TAF4: variants seen among roughly 807,000 people sequenced by gnomAD.
The protein encoded by TAF4 is transcription initiation factor TFIID subunit 4.
A neutral mutation model predicts 90.3 loss-of-function variants in TAF4; 9 were observed. The ratio of observed to expected loss-of-function variants is 0.10; its 90% CI spans 0.06 to 0.17. The LOEUF is 0.17. Among genes scored for constraint, TAF4 ranks in the 10% least tolerant of loss-of-function variants. The probability of loss-of-function intolerance (pLI) is 1.00; values close to 1 mark genes in which losing one functional copy is unlikely to be tolerated. For synonymous variants in TAF4, 818 were observed against 638.9 expected (o/e 1.28, Z -4.23); for missense variants, 1,351 against 1,370.7 (o/e 0.99, Z 0.23).
At chr20:62,047,455 G>C (rs577341152) in intron 1 of TAF4, among the ~76,000 whole-genome samples, 30 of 152,270 alleles carry the variant, frequency 2.0e-4, no homozygotes, top group Middle Eastern at 3.4e-3. Context: ...AGCTCCTTTA[G>C]AAGGAAGAGA....
At chr20:62,014,311 G>C (rs1251619237) in intron 2 of TAF4, among the ~76,000 whole-genome samples, 1 of 152,120 alleles carries the variant, frequency 6.6e-6, no homozygotes, top group Non-Finnish European at 1.5e-5. Context: ...GCCCTGCAGT[G>C]GGCTGCGGGA....
At chr20:62,015,853 A>G (rs889976423) in intron 1 of TAF4, among the ~76,000 whole-genome samples, 1 of 152,230 alleles carries the variant, frequency 6.6e-6, no homozygotes, top group African/African-American at 2.4e-5. Context: ...TGGTATCAAG[A>G]ATAATGGTGA....
intron 5 of TAF4, chr20:62,008,812 C>T (rs955108811): frequency 1.5e-5 from 6 of 400,608 alleles, no homozygotes; most frequent in East Asian, 1.2e-4. Context: ...CACCAGAAAA[C>T]GGCAAAGCCC....
At chr20:62,047,711 C>T (rs546160152) in intron 1 of TAF4, among the ~76,000 whole-genome samples, 155 of 152,346 alleles carry the variant, frequency 1.0e-3, no homozygotes, top group African/African-American at 3.6e-3. Flanking sequence ...GCAGAGCGCA[C>T]CGTCAAGCCC....
In TAF4 at chr20:62,065,780, C is replaced by T; in HGVS notation, c.31G>A (p.Val11Ile). The T allele has an allele frequency of 3.0e-6, 4 of 1,336,510 alleles. No individual in the cohort carries two copies. The highest frequency in any genetic ancestry group is 3.9e-6 in the Non-Finnish European group (4 of 1,025,076). 82.8% of individuals were successfully genotyped at this position (1,336,510 alleles called of 1,614,324 possible). The stretch of plus-strand genomic sequence containing the variant: ...TCGTCCACCTCGCTGTTGAAGAAGA[C>T]CTCGTCCAGCAGATCCGAGCCCGCC... MAAGSDLLDE[V>I]FFNSEVDEKV... Residue 11 changes from valine to isoleucine, a missense_variant, in exon 1 of 15, where the codon GTC (valine) becomes ATC (isoleucine). By Grantham distance (29) the Val-to-Ile change is conservative (BLOSUM62 3). This residue lies in a region of TAF4 where 782 missense variants were observed against 536.6 expected (regional missense o/e 1.46). Coordinates refer to ENST00000252996, the MANE Select transcript of TAF4 (RefSeq NM_003185.4).
chr20:61,977,687 GCCCGGGGT>G (rs1386271402), intron 14 of TAF4, among the ~76,000 whole-genome samples: 1 of 152,158 alleles, frequency 6.6e-6, no homozygotes, highest in East Asian at 1.9e-4. Flanking sequence ...CTTCAGACCT[GCCCGGGGT>G]CCCTTTGCTA....
rs1362181506 is a variant in TAF4 at position 62,009,067 on chromosome 20, G to A, written c.1869C>T (p.Leu623=). 12 of 1,612,864 alleles carry A rather than the reference G, an allele frequency of 7.4e-6. No individual in the cohort carries two copies. The highest frequency in any genetic ancestry group is 1.7e-5 in the Admixed American group (1 of 59,796). Residue 623 remains leucine, a synonymous_variant, in exon 5 of 15, where the codon CTC becomes CTT. Coordinates refer to ENST00000252996, the MANE Select transcript of TAF4 (RefSeq NM_003185.4). ...STETAANVKE[L]VQNLLDGKIE... ...GGTTTCTCACCAGTAAATTCTGCAC[G>A]AGCTCTTTCACATTAGCTGCTGTCT...
chr20:61,985,675 G>C (rs1250140628), intron 14 of TAF4, among the ~76,000 whole-genome samples: 2 of 151,194 alleles, frequency 1.3e-5, no homozygotes, highest in East Asian at 1.9e-4. Flanking sequence ...TCCCATGTAA[G>C]GCACGAGGGA....
chr20:62,051,765 A>T (rs1158207105), intron 1 of TAF4, among the ~76,000 whole-genome samples: 1 of 152,062 alleles, frequency 6.6e-6, no homozygotes, highest in Non-Finnish European at 1.5e-5. Context: ...GTGGCCCTCA[A>T]CGCTGCCCCT....
At chr20:61,993,205 C>T (rs2055642752) in intron 14 of TAF4, among the ~76,000 whole-genome samples, 2 of 152,172 alleles carry the variant, frequency 1.3e-5, no homozygotes, top group South Asian at 4.1e-4. Flanking sequence ...GACTAGTGGC[C>T]CTAGGCATGA....
chr20:61,976,435 G>T, intron 14 of TAF4, 100 bp from the exon 15 acceptor site: 1 of 1,401,220 alleles, frequency 7.1e-7, no homozygotes, highest in Non-Finnish European at 9.9e-7. Flanking sequence ...TCCAGAGGAG[G>T]CCAGGCCTGG....
chr20:62,040,211 AAAC>A (rs2055956015), intron 1 of TAF4, among the ~76,000 whole-genome samples: 1 of 152,268 alleles, frequency 6.6e-6, no homozygotes, highest in South Asian at 2.1e-4. Flanking sequence ...CAAAAGCTAG[AAAC>A]AACCCAAATA....
chr20:62,062,402 T>C (rs1330314728), intron 1 of TAF4, among the ~76,000 whole-genome samples: 1 of 147,264 alleles, frequency 6.8e-6, no homozygotes, highest in Non-Finnish European at 1.5e-5. Flanking sequence ...TTATTGATAC[T>C]TTTTTTTTTT....
intron 1 of TAF4, among the ~76,000 whole-genome samples, chr20:62,029,631 G>C (rs189248013): frequency 2.1e-4 from 32 of 152,342 alleles, no homozygotes; most frequent in Admixed American, 1.5e-3. Flanking sequence ...ATGCAGGCTG[G>C]GAGTGGTGGC....
intron 2 of TAF4, among the ~76,000 whole-genome samples, chr20:62,014,211 G>A (rs896850706): frequency 1.8e-4 from 28 of 152,134 alleles, no homozygotes; most frequent in African/African-American, 6.3e-4. Flanking sequence ...CAGATGAGGG[G>A]ACAGGCACAG....
rs1256139935 is a variant in TAF4, at chr20:62,012,906, T to C, written c.1550A>G (p.Gln517Arg). 6.2e-7 allele frequency: 1 copy of C among 1,614,134 alleles called. No individual in the cohort carries two copies. Among genetic ancestry groups the C allele is most frequent in the Admixed American group, 1.7e-5 (1 of 60,012 alleles). ...QAPGTPIIAR[Q>R]VTPTTIIKQV... Reference sequence around the variant, plus strand: ...CTTAATTATGGTAGTTGGGGTCACCTGCCGTGCAATGATAGGTGTTCCAGG... The same window carrying C: ...CTTAATTATGGTAGTTGGGGTCACCCGCCGTGCAATGATAGGTGTTCCAGG... The change falls in exon 3 of 15, where the codon CAG (glutamine) becomes CGG (arginine). Residue 517 changes from glutamine to arginine, a missense_variant. Gln to Arg is a conservative substitution (Grantham distance 43). Coordinates refer to ENST00000252996, the MANE Select transcript of TAF4 (RefSeq NM_003185.4).
intron 1 of TAF4, among the ~76,000 whole-genome samples, chr20:62,037,163 C>A (rs535118451): frequency 7.2e-6 from 1 of 138,586 alleles, no homozygotes; most frequent in Non-Finnish European, 1.6e-5. Context: ...ACATCATGTG[C>A]GTCATGAGAG....
chr20:61,986,860 T>G (rs1221068031), intron 14 of TAF4, among the ~76,000 whole-genome samples: 2 of 152,218 alleles, frequency 1.3e-5, no homozygotes, highest in African/African-American at 4.8e-5. Flanking sequence ...TTAATAAATG[T>G]AAACAGAAAG....
In TAF4 at chr20:62,000,242, C is replaced by A; in HGVS notation, c.2669G>T (p.Gly890Val). 1 of 1,613,740 alleles carries A rather than the reference C, an allele frequency of 6.2e-7. No homozygotes were observed. Among genetic ancestry groups the A allele is most frequent in the Non-Finnish European group, 8.5e-7 (1 of 1,179,760 alleles). ...RRILEIGKKHGITELHPDVVS... is the reference protein window; with the variant it reads ...RRILEIGKKHVITELHPDVVS... ...TACATCTGGATGTAATTCCGTTATA[C>A]CATGTTTTTTACCTAAAGGTCAGGC... The change falls in exon 11 of 15, where the codon GGT (glycine) becomes GTT (valine). Residue 890 changes from glycine to valine, a missense_variant. Transcript: ENST00000252996.
Sources: allele counts gnomAD v4.1 joint callset (sites outside exome capture counted in the v4.1 genomes callset), GRCh38; gene constraint gnomAD v4.1.1; regional missense constraint gnomAD v4.1.1; transcripts MANE v1.5; gene names NCBI Gene and HGNC (gene_info 2026-07-23, HGNC 2026-07-21).